The following CHIC1 variants were observed in gnomAD, a reference collection of about 807,000 sequenced individuals.
The protein encoded by CHIC1 is cysteine-rich hydrophobic domain-containing protein 1.
In CHIC1, 7 loss-of-function variants were observed where a neutral mutation model predicts 18.5. That is an observed-to-expected ratio of 0.38 (90% CI 0.22 to 0.71). The LOEUF is 0.71. Ranked by LOEUF, CHIC1 falls within the 30% of genes least tolerant of loss-of-function variation. The probability of loss-of-function intolerance (pLI) is 0.49; values close to 1 mark genes in which losing one functional copy is unlikely to be tolerated. For synonymous variants in CHIC1, 77 were observed against 73.5 expected, an observed-to-expected ratio of 1.05 and a Z score of -0.25; for missense variants, 159 against 176.9, an observed-to-expected ratio of 0.90 and a Z score of 0.57.
Position 73,679,672 on chromosome X carries a change from T to A in CHIC1, c.583T>A (p.Leu195Met). The A allele has an allele frequency of 1.8e-6, 2 of 1,133,393 alleles. No individual in the cohort carries two copies. The highest frequency in any genetic ancestry group is 2.3e-6 in the Non-Finnish European group (2 of 852,114). 93.4% of individuals were successfully genotyped at this position (1,133,393 alleles called of 1,213,427 possible). The change falls in exon 5 of 6, where the codon TTG becomes ATG. Residue 195 changes from leucine to methionine, a missense_variant. Physicochemically the swap from Leu to Met is conservative, Grantham distance 15. Coordinates refer to ENST00000373502, the MANE Select transcript of CHIC1 (RefSeq NM_001039840.4). ...LYHKLALHWKLTKRKCETSNM... is the reference protein window; with the variant it reads ...LYHKLALHWKMTKRKCETSNM... ...TTCTTAGCTTGCTTTGCACTGGAAG[T>A]TGACTAAGAGGAAATGTGAAACTAG...
chrX:73,595,819 C>A (rs953778892), intron 3 of CHIC1, among the ~76,000 whole-genome samples: 2 of 111,731 alleles, frequency 1.8e-5, no homozygotes, highest in Non-Finnish European at 3.8e-5. Flanking sequence ...TATTTCTGGA[C>A]ATCCTCTCCA....
At chrX:73,591,135 C>T (rs983298673) in intron 3 of CHIC1, among the ~76,000 whole-genome samples, 6 of 111,644 alleles carry the variant, frequency 5.4e-5, no homozygotes, top group African/African-American at 1.6e-4. Context: ...CATTCTAAAA[C>T]GTAGGTAGTG....
rs775329594 is a variant in CHIC1, at chrX:73,596,829, A to G, written c.507+12257A>G. Among the ~76,000 whole-genome samples the G allele has an allele frequency of 8.9e-5, 10 of 111,958 alleles. No individual in the cohort carries two copies. The South Asian group carries it at 3.7e-3, about 42-fold the overall frequency. The stretch of plus-strand genomic sequence containing the variant: ...TTGAGAAAACTGGCTAGCCATATGC[A>G]GAAAACTGAAACTGGACCCCTTCCT... On this transcript the variant is annotated intron_variant, in intron 3 of 5. Coordinates refer to ENST00000373502, the MANE Select transcript of CHIC1 (RefSeq NM_001039840.4).
intron 3 of CHIC1, among the ~76,000 whole-genome samples, chrX:73,626,954 G>T (rs1342643598): frequency 2.7e-5 from 3 of 110,081 alleles, no homozygotes; most frequent in Non-Finnish European, 5.7e-5. Context: ...GAAGGTTTTG[G>T]AGATATTTTA....
intron 3 of CHIC1, among the ~76,000 whole-genome samples, chrX:73,677,591 C>T (rs1269954466): frequency 7.1e-5 from 8 of 112,035 alleles, no homozygotes; most frequent in South Asian, 3.7e-4. Flanking sequence ...GTTGGAAAAG[C>T]GCAGTATTTG....
At chrX:73,566,049 C>T (rs2057443551) in intron 1 of CHIC1, among the ~76,000 whole-genome samples, 1 of 111,077 alleles carries the variant, frequency 9.0e-6, no homozygotes. Flanking sequence ...TCTGATCTCC[C>T]AGGGTAACAT....
chrX:73,674,854 T>C (rs1462232601), intron 3 of CHIC1, among the ~76,000 whole-genome samples: 3 of 111,830 alleles, frequency 2.7e-5, no homozygotes, highest in Non-Finnish European at 5.7e-5. Flanking sequence ...TCTTTCCTGC[T>C]TTCTCTTGTG....
In CHIC1 at chrX:73,682,815, A is replaced by G. The variant is rs2058104571; in HGVS notation, c.*1810A>G. 1 of 111,473 alleles carries G rather than the reference A, an allele frequency of 9.0e-6. No individual in the cohort carries two copies. Among genetic ancestry groups the G allele is most frequent in the South Asian group, 3.8e-4 (1 of 2,646 alleles). The allele number at this position is 111,473 out of a possible 1,213,427, so 9.2% of individuals were successfully genotyped here. ...TTTATAGACAAGGTAGAAGCCTCTG[A>G]AAATGTATACCAAATGTCTTGTTTT... is the stretch of plus-strand genomic sequence containing the variant. On this transcript the variant is annotated 3_prime_UTR_variant, in exon 6 of 6. Coordinates refer to ENST00000373502, the MANE Select transcript of CHIC1 (RefSeq NM_001039840.4).
chrX:73,682,420 C>T lies in CHIC1; in HGVS notation c.*1415C>T, dbSNP rs2058102833. On this transcript the variant is annotated 3_prime_UTR_variant, in exon 6 of 6. Transcript: ENST00000373502. ...TAGGCATTATTTGTAATTCATAGTG[C>T]TAAAAATAAAAGTGTCTAGGGCTCA... is the stretch of plus-strand genomic sequence containing the variant. The T allele has an allele frequency of 9.0e-6, 1 of 111,192 alleles. No individual in the cohort carries two copies. The highest frequency in any genetic ancestry group is 3.2e-5 in the African/African-American group (1 of 30,791). The allele number at this position is 111,192 out of a possible 1,213,427, so 9.2% of individuals were successfully genotyped here.
At chrX:73,632,276 A>G (rs2057810772) in intron 3 of CHIC1, among the ~76,000 whole-genome samples, 1 of 111,956 alleles carries the variant, frequency 8.9e-6, no homozygotes, top group South Asian at 3.7e-4. Context: ...TATTTTTTCC[A>G]GTATAATTAC....
intron 3 of CHIC1, among the ~76,000 whole-genome samples, chrX:73,601,394 G>A (rs2147566533): frequency 9.5e-6 from 1 of 105,817 alleles, no homozygotes; most frequent in South Asian, 4.1e-4. Context: ...CTAGAACTCA[G>A]GATTAAGAAT....
At chrX:73,648,250 A>G (rs1214231993) in intron 3 of CHIC1, among the ~76,000 whole-genome samples, 3 of 109,577 alleles carry the variant, frequency 2.7e-5, no homozygotes, top group Non-Finnish European at 5.6e-5. Flanking sequence ...AAGAAGAGAA[A>G]GAATCAACAA....
At chrX:73,674,031 G>A (rs1259673286) in intron 3 of CHIC1, among the ~76,000 whole-genome samples, 2 of 112,004 alleles carry the variant, frequency 1.8e-5, no homozygotes, top group Non-Finnish European at 3.8e-5. Context: ...CTTTTGTTCT[G>A]TTTATATGCT....
Position 73,685,784 on chromosome X carries a change from A to G in CHIC1, c.*4779A>G, listed in dbSNP as rs1217759960. 1 of 111,776 alleles carries G rather than the reference A, an allele frequency of 8.9e-6. No individual in the cohort carries two copies. Among genetic ancestry groups the G allele is most frequent in the Non-Finnish European group, 1.9e-5 (1 of 52,980 alleles). The allele number at this position is 111,776 out of a possible 1,213,427, so 9.2% of individuals were successfully genotyped here. The stretch of plus-strand genomic sequence containing the variant: ...GTTTTCTTTTTCAGTCAGGTCCTAC[A>G]GAATGACTATTGCACTTGGTCTATT... On this transcript the variant is annotated 3_prime_UTR_variant, in exon 6 of 6. Transcript: ENST00000373502.
intron 3 of CHIC1, among the ~76,000 whole-genome samples, chrX:73,642,648 T>A (rs2057863579): frequency 9.1e-6 from 1 of 109,699 alleles, no homozygotes; most frequent in Non-Finnish European, 1.9e-5. Flanking sequence ...TTTTTATGGT[T>A]TTAGGTCTAA....
In CHIC1 at chrX:73,681,855, T is replaced by A. The variant is rs1039531951; in HGVS notation, c.*850T>A. On this transcript the variant is annotated 3_prime_UTR_variant, in exon 6 of 6. Coordinates refer to ENST00000373502, the MANE Select transcript of CHIC1 (RefSeq NM_001039840.4). ...TGAAACCATGACCTTTATTTTTCCA[T>A]TTCGTTTAATAATTTCCATTTTGTT... 2 of 112,359 alleles carry A rather than the reference T, an allele frequency of 1.8e-5. No homozygotes were observed. The highest frequency in any genetic ancestry group is 4.2e-3 in the Middle Eastern group (1 of 239). The allele number at this position is 112,359 out of a possible 1,213,427, so 9.3% of individuals were successfully genotyped here.
At chrX:73,593,081 T>C (rs975909436) in intron 3 of CHIC1, among the ~76,000 whole-genome samples, 6 of 110,953 alleles carry the variant, frequency 5.4e-5, no homozygotes, top group African/African-American at 2.0e-4. Flanking sequence ...TTGTGCTTAT[T>C]TGGATCATCT....
At chrX:73,594,855 A>AT (rs906947832) in intron 3 of CHIC1, among the ~76,000 whole-genome samples, 1 of 111,525 alleles carries the variant, frequency 9.0e-6, no homozygotes, top group African/African-American at 3.3e-5. Context: ...ATAATGCCAT[A>AT]TTTTTTCTTT....
Position 73,633,674 on chromosome X carries a change from T to A in CHIC1, c.508-45652T>A, listed in dbSNP as rs149237033. On this transcript the variant is annotated intron_variant, in intron 3 of 5. Transcript: ENST00000373502. ...TCATTGACTCCCAGAATGTTTATAT[T>A]GGTTCACTTGCTTTTGTCCAATAAG... is the stretch of plus-strand genomic sequence containing the variant. Among the ~76,000 whole-genome samples, 536 of 111,451 alleles carry A rather than the reference T, an allele frequency of 4.8e-3. 4 individuals are homozygous for A. The highest frequency in any genetic ancestry group is 0.016 in the African/African-American group (486 of 30,713).
Sources: gnomAD v4.1 joint callset for allele counts (sites outside exome capture counted in the v4.1 genomes callset) on GRCh38, gnomAD v4.1.1 for gene constraint, MANE v1.5 for transcripts, NCBI Gene and HGNC (gene_info 2026-07-23, HGNC 2026-07-21) for gene names.